WDR19: variants seen among roughly 807,000 people sequenced by gnomAD.
WDR19 encodes the protein WD repeat-containing protein 19.
WDR19 carries 121 observed loss-of-function variants against 180.0 expected under a neutral mutation model. The ratio of observed to expected loss-of-function variants is 0.67; its 90% CI spans 0.58 to 0.78. The LOEUF (loss-of-function observed/expected upper bound fraction) is 0.78, where lower values mean the gene tolerates loss of function less well. WDR19 is among the 30% of genes least tolerant of loss of function. The probability of loss-of-function intolerance (pLI) is 0.00; values close to 1 mark genes in which losing one functional copy is unlikely to be tolerated. For missense variants in WDR19, 1,450 were observed against 1,640.7 expected (o/e 0.88, Z 2.01); for synonymous variants, 497 against 540.7 (o/e 0.92, Z 1.12).
At chr4:39,275,339 C>CAAAAAA in intron 33 of WDR19, 2 of 103,636 alleles carry the variant, frequency 1.9e-5, no homozygotes, top group African/African-American at 5.1e-5. Flanking sequence ...GACCCCATCT[C>CAAAAAA]AAAAAAAAAA....
At chr4:39,268,807 G>A (rs374073284) in intron 30 of WDR19, among the ~76,000 whole-genome samples, 107 of 152,290 alleles carry the variant, frequency 7.0e-4, no homozygotes, top group African/African-American at 2.5e-3. Context: ...TGATGGGAGA[G>A]ACAGAAAGTA....
intron 14 of WDR19, among the ~76,000 whole-genome samples, chr4:39,220,694 G>C (rs35551332): frequency 2.7e-5 from 4 of 148,264 alleles, no homozygotes; most frequent in African/African-American, 7.4e-5. Context: ...ATTTTTAGTA[G>C]AGACGGGGTT....
At chr4:39,212,879 A>G (rs1728696262) in intron 9 of WDR19, among the ~76,000 whole-genome samples, 1 of 152,248 alleles carries the variant, frequency 6.6e-6, no homozygotes, top group Admixed American at 6.5e-5. Context: ...TTACTTATAT[A>G]GTTACCATTA....
At chr4:39,205,072 G>C in intron 7 of WDR19, 82 bp from the exon 8 acceptor site, 1 of 945,016 alleles carries the variant, frequency 1.1e-6, no homozygotes, top group African/African-American at 1.7e-5. Flanking sequence ...CACAAATTAG[G>C]TTCAGCTGTT....
intron 26 of WDR19, among the ~76,000 whole-genome samples, chr4:39,255,550 G>A (rs1383763736): frequency 6.6e-6 from 1 of 151,998 alleles, no homozygotes; most frequent in Admixed American, 6.6e-5. Flanking sequence ...CAAATATACA[G>A]ACTATTGTTT....
chr4:39,244,182 G>C, intron 21 of WDR19, 66 bp from the exon 22 acceptor site: 1 of 1,522,252 alleles, frequency 6.6e-7, no homozygotes, highest in South Asian at 1.3e-5. Flanking sequence ...TAAATTCATT[G>C]TTCTGTCTTA....
At chr4:39,218,830 A>G (rs1008060101) in intron 14 of WDR19, 1 of 152,140 alleles carries the variant, frequency 6.6e-6, no homozygotes, top group Non-Finnish European at 1.5e-5. Context: ...CTTAAAAAAT[A>G]TTTTATTATA....
At chr4:39,192,216 T>C (rs534689950) in intron 4 of WDR19, among the ~76,000 whole-genome samples, 2 of 152,234 alleles carry the variant, frequency 1.3e-5, no homozygotes, top group Non-Finnish European at 2.9e-5. Context: ...GTTCTTGTTA[T>C]ACAGTTTTCT....
At position 39,273,016 on chromosome 4, in the gene WDR19, C is replaced by T. The variant is rs755139948; in HGVS notation, c.3520C>T (p.Arg1174Cys). 5.0e-6 allele frequency: 8 copies of T among 1,605,324 alleles called. No individual in the cohort carries two copies. Among genetic ancestry groups the T allele is most frequent in the African/African-American group, 2.7e-5 (2 of 74,750 alleles). Residue 1174 changes from arginine (R) to cysteine (C), a missense_variant, in exon 32 of 37, where the codon CGC becomes TGC. Arg to Cys is a radical substitution (Grantham distance 180). Transcript: ENST00000399820. The stretch of plus-strand genomic sequence containing the variant: ...AAATGGAGATCACATGAAAGGGGCT[C>T]GCATGCTCATTCGGGTGGCCAACAA... ...VKNGDHMKGA[R>C]MLIRVANNIS...
At chr4:39,252,318 T>C (rs1443073736) in intron 24 of WDR19, among the ~76,000 whole-genome samples, 1 of 124,234 alleles carries the variant, frequency 8.0e-6, no homozygotes, top group African/African-American at 3.1e-5. Flanking sequence ...TGAGAACACA[T>C]AGACACAGGA....
chr4:39,234,511 GT>G (rs1731181105), intron 19 of WDR19, among the ~76,000 whole-genome samples: 2 of 152,276 alleles, frequency 1.3e-5, no homozygotes, highest in Non-Finnish European at 1.5e-5. Context: ...ATACGACTGA[GT>G]TTTGGAGGGC....
chr4:39,250,446 A>C (rs1381129019), intron 24 of WDR19, among the ~76,000 whole-genome samples: 6 of 152,162 alleles, frequency 3.9e-5, no homozygotes, highest in South Asian at 4.1e-4. Context: ...AAAACCGTCA[A>C]AAGACAGGGA....
At chr4:39,215,784 GC>G in intron 10 of WDR19, 56 bp from the exon 11 acceptor site, 2 of 1,472,792 alleles carry the variant, frequency 1.4e-6, no homozygotes, top group Non-Finnish European at 1.8e-6. Context: ...ATATTTGTTT[GC>G]TGCCTGCAAC....
At chr4:39,222,592 G>T (rs1333111066) in intron 14 of WDR19, among the ~76,000 whole-genome samples, 5 of 152,104 alleles carry the variant, frequency 3.3e-5, no homozygotes, top group Non-Finnish European at 7.4e-5. Context: ...ATGCCATGAG[G>T]TATAGATCAC....
At chr4:39,232,482 G>A (rs1313754431) in intron 19 of WDR19, among the ~76,000 whole-genome samples, 3 of 152,072 alleles carry the variant, frequency 2.0e-5, no homozygotes, top group East Asian at 1.9e-4. Flanking sequence ...AAAATTAGCC[G>A]GACGTGGTGG....
At chr4:39,192,835 T>C (rs1193828904) in intron 4 of WDR19, among the ~76,000 whole-genome samples, 1 of 152,172 alleles carries the variant, frequency 6.6e-6, no homozygotes, top group East Asian at 1.9e-4. Context: ...AAAAGTTACC[T>C]GTCAAAGGAG....
chr4:39,199,487 C>G lies in WDR19; in HGVS notation c.416C>G (p.Thr139Ser). ...SRKIPVLGKH[T>S]KRITCGCWNA... ...ATAATCTCTTTTTCAGGAAAACATA[C>G]TAAGAGAATCACTTGTGGATGTTGG... The change falls in exon 6 of 37, where the codon ACT becomes AGT. Residue 139 changes from threonine to serine, a missense_variant. Transcript: ENST00000399820. 6.2e-7 allele frequency: 1 copy of G among 1,611,946 alleles called. No homozygotes were observed. The highest frequency in any genetic ancestry group is 8.5e-7 in the Non-Finnish European group (1 of 1,179,170).
At chr4:39,247,277 G>A (rs1194176478) in intron 24 of WDR19, among the ~76,000 whole-genome samples, 1 of 152,196 alleles carries the variant, frequency 6.6e-6, no homozygotes, top group Non-Finnish European at 1.5e-5. Context: ...AACTCCAACA[G>A]ACCTGCAGCT....
intron 15 of WDR19, among the ~76,000 whole-genome samples, chr4:39,226,767 A>T (rs1730304658): frequency 6.6e-6 from 1 of 152,248 alleles, no homozygotes; most frequent in Non-Finnish European, 1.5e-5. Context: ...TACAAATATA[A>T]TGTGAACCAA....
Sources: allele counts gnomAD v4.1 joint callset (sites outside exome capture counted in the v4.1 genomes callset), GRCh38; gene constraint gnomAD v4.1.1; transcripts MANE v1.5; gene names NCBI Gene and HGNC (gene_info 2026-07-23, HGNC 2026-07-21).